The following HIBADH variants were observed in gnomAD, a reference collection of about 807,000 sequenced individuals.
The protein encoded by HIBADH is 3-hydroxyisobutyrate dehydrogenase, mitochondrial.
In HIBADH, 25 loss-of-function variants were observed where a neutral mutation model predicts 36.1. The observed-to-expected ratio is 0.69, with a 90% CI of 0.50 to 0.97. HIBADH has a LOEUF of 0.97. Ranked by LOEUF, HIBADH falls within the 50% of genes least tolerant of loss-of-function variation. The probability of loss-of-function intolerance (pLI) is 0.00; values close to 1 mark genes in which losing one functional copy is unlikely to be tolerated. For synonymous variants in HIBADH, 160 were observed against 149.5 expected (o/e 1.07, Z -0.51); for missense variants, 421 against 418.0 (o/e 1.01, Z -0.06).
At chr7:27,622,556 A>G (rs1362222840) in intron 4 of HIBADH, among the ~76,000 whole-genome samples, 1 of 152,176 alleles carries the variant, frequency 6.6e-6, no homozygotes. Context: ...CCAGGAAAAG[A>G]AGAGAGAAGC....
intron 4 of HIBADH, among the ~76,000 whole-genome samples, chr7:27,607,364 C>G (rs1378183261): frequency 6.6e-6 from 1 of 152,046 alleles, no homozygotes; most frequent in Non-Finnish European, 1.5e-5. Flanking sequence ...AAAAAATTAG[C>G]CGGGCATGGT....
In HIBADH at chr7:27,589,623, A is replaced by G. The variant is rs138411026; in HGVS notation, c.484+39748T>C. ...TATATGCCCACTATGCATCAGAGAA[A>G]GTGATTCTAACTCCACTGTCTTCAA... On this transcript the variant is annotated intron_variant, in intron 4 of 7. Transcript: ENST00000265395. Among the ~76,000 whole-genome samples, 589 of 152,354 alleles carry G rather than the reference A, an allele frequency of 3.9e-3. 2 individuals are homozygous for G. The highest frequency in any genetic ancestry group is 0.02 in the Middle Eastern group (6 of 294).
At chr7:27,661,214 A>ACCT in intron 1 of HIBADH, among the ~76,000 whole-genome samples, 1 of 152,082 alleles carries the variant, frequency 6.6e-6, no homozygotes, top group South Asian at 2.1e-4. Context: ...CTTGCATCTC[A>ACCT]CCGAGCCTCT....
In HIBADH at chr7:27,662,563, G is replaced by A. The variant is rs1026061824; in HGVS notation, c.91+135C>T. On this transcript the variant is annotated intron_variant, in intron 1 of 7. Coordinates refer to ENST00000265395, the MANE Select transcript of HIBADH (RefSeq NM_152740.4). Reference sequence around the variant, plus strand: ...GGCCGCAGAAAAGGACAGGCCTTTAGTACCAGCCAAAATATTGTTTTTTAA... The same window carrying A: ...GGCCGCAGAAAAGGACAGGCCTTTAATACCAGCCAAAATATTGTTTTTTAA... 4 of 475,314 alleles carry A rather than the reference G, an allele frequency of 8.4e-6. No homozygotes were observed. The South Asian group carries it at 3.1e-4, about 36-fold the overall frequency. The allele number at this position is 475,314 out of a possible 1,614,324, so 29.4% of individuals were successfully genotyped here. A position where few individuals can be genotyped will look rare whatever the true frequency, so the allele number is the denominator to read the frequency against.
chr7:27,638,317 A>AAAAC (rs960468670), intron 2 of HIBADH, among the ~76,000 whole-genome samples: 2 of 148,204 alleles, frequency 1.3e-5, no homozygotes, highest in South Asian at 2.1e-4. Context: ...TCAAAAAAAA[A>AAAAC]AAAAAAAAAA....
intron 2 of HIBADH, among the ~76,000 whole-genome samples, chr7:27,644,281 T>C (rs1021063429): frequency 6.6e-6 from 1 of 151,906 alleles, no homozygotes; most frequent in East Asian, 1.9e-4. Flanking sequence ...CTGGCCAACA[T>C]GGTGAAACCC....
chr7:27,586,896 T>A (rs199784354), intron 4 of HIBADH, among the ~76,000 whole-genome samples: 1 of 152,202 alleles, frequency 6.6e-6, no homozygotes, highest in African/African-American at 2.4e-5. Flanking sequence ...CCACTGGCTG[T>A]CAGAAGCCAC....
At chr7:27,558,373 G>A (rs1784422999) in intron 4 of HIBADH, among the ~76,000 whole-genome samples, 1 of 151,912 alleles carries the variant, frequency 6.6e-6, no homozygotes, top group Non-Finnish European at 1.5e-5. Context: ...GGTCACCCTG[G>A]CTGGAGTGTG....
At chr7:27,615,598 G>A (rs1335665327) in intron 4 of HIBADH, among the ~76,000 whole-genome samples, 2 of 152,116 alleles carry the variant, frequency 1.3e-5, no homozygotes, top group Admixed American at 6.5e-5. Context: ...TAATGTCACA[G>A]CACAATGCAT....
chr7:27,612,830 A>T (rs1005411040), intron 4 of HIBADH, among the ~76,000 whole-genome samples: 1 of 148,884 alleles, frequency 6.7e-6, no homozygotes, highest in Admixed American at 6.8e-5. Context: ...TAGATATTCC[A>T]GAGAATTCCT....
chr7:27,612,628 T>C (rs963436660), intron 4 of HIBADH, among the ~76,000 whole-genome samples: 6 of 151,330 alleles, frequency 4.0e-5, no homozygotes, highest in African/African-American at 1.5e-4. Context: ...CAGCCTGTAA[T>C]CTCTTTCTAA....
rs573801770 is a variant in HIBADH, at chr7:27,621,779, G to A, written c.484+7592C>T. Among the ~76,000 whole-genome samples, 10 of 151,878 alleles carry A rather than the reference G, an allele frequency of 6.6e-5. No individual in the cohort carries two copies. The East Asian group carries it at 1.8e-3, about 27-fold the overall frequency. On this transcript the variant is annotated intron_variant, in intron 4 of 7. Coordinates refer to ENST00000265395, the MANE Select transcript of HIBADH (RefSeq NM_152740.4). ...TGCATTACAGCCTGGGTGACAAAGC[G>A]AGACTCGATCTCAAACAAACAAAAA...
intron 4 of HIBADH, among the ~76,000 whole-genome samples, chr7:27,600,651 T>C (rs2128290226): frequency 6.6e-6 from 1 of 152,210 alleles, no homozygotes; most frequent in East Asian, 1.9e-4. Flanking sequence ...CTAGAAACAA[T>C]TTAGTATATA....
chr7:27,545,393 G>A (rs1435802841), intron 4 of HIBADH, among the ~76,000 whole-genome samples: 2 of 152,240 alleles, frequency 1.3e-5, no homozygotes, highest in African/African-American at 2.4e-5. Context: ...AGCTGAGATC[G>A]CACCACTGCA....
intron 2 of HIBADH, among the ~76,000 whole-genome samples, chr7:27,636,792 T>C (rs1383329047): frequency 6.6e-6 from 1 of 152,150 alleles, no homozygotes; most frequent in Non-Finnish European, 1.5e-5. Context: ...AGGATTAAGT[T>C]AAAAAGAAAA....
At chr7:27,557,193 G>C (rs1343747450) in intron 4 of HIBADH, among the ~76,000 whole-genome samples, 2 of 151,134 alleles carry the variant, frequency 1.3e-5, no homozygotes, top group African/African-American at 4.9e-5. Flanking sequence ...TCCCAGATGA[G>C]CTTAAGGTTT....
chr7:27,559,077 C>T (rs1226722209), intron 4 of HIBADH, among the ~76,000 whole-genome samples: 1 of 152,158 alleles, frequency 6.6e-6, no homozygotes, highest in Non-Finnish European at 1.5e-5. Flanking sequence ...AGGATTTTCT[C>T]TTTGGTTTGT....
chr7:27,626,882 G>C (rs1479525415), intron 4 of HIBADH, among the ~76,000 whole-genome samples: 1 of 152,142 alleles, frequency 6.6e-6, no homozygotes, highest in Non-Finnish European at 1.5e-5. Flanking sequence ...AATTCTTCAA[G>C]TTTTGTTCAA....
intron 4 of HIBADH, among the ~76,000 whole-genome samples, chr7:27,597,003 C>CT (rs1228135752): frequency 5.9e-5 from 9 of 151,810 alleles, no homozygotes; most frequent in Non-Finnish European, 1.2e-4. Flanking sequence ...GCAATAAAAA[C>CT]TTTTTTTAAA....
Sources: gnomAD v4.1 joint callset for allele counts (sites outside exome capture counted in the v4.1 genomes callset) on GRCh38, gnomAD v4.1.1 for gene constraint, MANE v1.5 for transcripts, NCBI Gene and HGNC (gene_info 2026-07-23, HGNC 2026-07-21) for gene names.